C1orf56: variants seen among roughly 807,000 people sequenced by gnomAD.
C1orf56 encodes the protein chromosome 1 open reading frame 56.
Under a neutral mutation model 20.7 loss-of-function variants are expected in C1orf56, and 14 were observed. The observed-to-expected ratio is 0.68, with a 90% CI of 0.45 to 1.06. The LOEUF (loss-of-function observed/expected upper bound fraction) is 1.06, where lower values mean the gene tolerates loss of function less well. C1orf56 is among the 50% of genes least tolerant of loss of function. The pLI is 0.00. For missense variants in C1orf56, 424 were observed against 451.4 expected, an observed-to-expected ratio of 0.94 and a Z score of 0.55; for synonymous variants, 187 against 194.7, an observed-to-expected ratio of 0.96 and a Z score of 0.33.
Position 151,048,717 on chromosome 1 carries a change from C to T in C1orf56, c.870C>T (p.Pro290=), listed in dbSNP as rs373682714. The T allele has an allele frequency of 2.5e-6, 4 of 1,612,612 alleles. No homozygotes were observed. The highest frequency in any genetic ancestry group is 3.4e-6 in the Non-Finnish European group (4 of 1,179,184). The part of the protein sequence containing the change: ...TSTRTTTTPF[P]TIHLRSSPSL... ...CCAGGACCACCACTACCCCCTTCCC[C>T]ACCATCCACCTCAGAAGCAGTCCCA... The change falls in exon 1 of 2, where the codon CCC becomes CCT. Residue 290 remains proline, a synonymous_variant. Coordinates refer to ENST00000368926, the MANE Select transcript of C1orf56 (RefSeq NM_017860.5). This position sits in a 1 kb window ranked among gnomAD's most constrained non-coding sequence, Gnocchi z 4.8.
chr1:151,050,321 T>C, intron 1 of C1orf56, 117 bp from the exon 2 acceptor site: 1 of 895,800 alleles, frequency 1.1e-6, no homozygotes, highest in Non-Finnish European at 1.7e-6. Context: ...AAGTAAGGGG[T>C]GGGCAGTAGG....
In C1orf56 at chr1:151,050,350, T is replaced by C; in HGVS notation, c.1006-88T>C. ...CAGTAGGGTTGAGGGAATATGGGTT[T>C]GTGGGAGGGGGAGATGAAGCAAGGA... On this transcript the variant is annotated intron_variant, in intron 1 of 1. Coordinates refer to ENST00000368926, the MANE Select transcript of C1orf56 (RefSeq NM_017860.5). 4 of 1,320,800 alleles carry C rather than the reference T, an allele frequency of 3.0e-6. No individual in the cohort carries two copies. In the South Asian group the frequency reaches 5.2e-5, roughly 17 times the overall value. The allele number at this position is 1,320,800 out of a possible 1,614,324, so 81.8% of individuals were successfully genotyped here.
rs587657354 is a variant in C1orf56, at chr1:151,050,356, A to C, written c.1006-82A>C. On this transcript the variant is annotated intron_variant, in intron 1 of 1. Transcript: ENST00000368926. The stretch of plus-strand genomic sequence containing the variant: ...GGTTGAGGGAATATGGGTTTGTGGG[A>C]GGGGGAGATGAAGCAAGGAAGGGAA... 576 of 1,368,126 alleles carry C rather than the reference A, an allele frequency of 4.2e-4. 1 individual carries two copies. Among genetic ancestry groups the C allele is most frequent in the Non-Finnish European group, 4.7e-4 (457 of 977,594 alleles). 84.7% of individuals were successfully genotyped at this position (1,368,126 alleles called of 1,614,324 possible). A position where few individuals can be genotyped will look rare whatever the true frequency, so the allele number is the denominator to read the frequency against.
chr1:151,048,558 G>C lies in C1orf56; in HGVS notation c.711G>C (p.Ala237=). ...HGLSGRLRVG[A]LSQLRTEHKP... is the part of the protein sequence containing the mutation. ...TTTCCGGGCGCCTTCGAGTTGGGGC[G>C]CTGAGCCAGCTCCGCACGGAGCACA... is the stretch of plus-strand genomic sequence containing the variant. Residue 237 remains alanine, a synonymous_variant, in exon 1 of 2, where the codon GCG becomes GCC. Coordinates refer to ENST00000368926, the MANE Select transcript of C1orf56 (RefSeq NM_017860.5). This position sits in a 1 kb window ranked among gnomAD's most constrained non-coding sequence, Gnocchi z 4.8. The C allele has an allele frequency of 6.2e-7, 1 of 1,614,008 alleles. No homozygotes were observed.
At chr1:151,050,359 G>A in intron 1 of C1orf56, 79 bp from the exon 2 acceptor site, 1 of 1,397,908 alleles carries the variant, frequency 7.2e-7, no homozygotes, top group South Asian at 1.3e-5. Context: ...TTGTGGGAGG[G>A]GGAGATGAAG....
chr1:151,049,495 ATTC>A (rs1336518907), intron 1 of C1orf56: 2 of 148,186 alleles, frequency 1.3e-5, no homozygotes, highest in African/African-American at 5.0e-5. Context: ...GGCTCAAGCA[ATTC>A]TCCTGCCTCA....
In C1orf56 at chr1:151,050,417, C is replaced by CT. The variant is rs749764224; in HGVS notation, c.1006-20dup. ...ATGTGGTTGTAATTTCCCTTTTTCT[C>CT]TATTTTTTTTTCTTACGCAGATAGA... On this transcript the variant is annotated intron_variant, in intron 1 of 1. Transcript: ENST00000368926. 30 of 1,600,484 alleles carry CT rather than the reference C, an allele frequency of 1.9e-5. No homozygotes were observed. In the South Asian group the frequency reaches 2.0e-4, roughly 11 times the overall value.
chr1:151,048,503 G>A lies in C1orf56; in HGVS notation c.656G>A (p.Ser219Asn). The change falls in exon 1 of 2, where the codon AGC becomes AAC. Residue 219 changes from serine (S) to asparagine (N), a missense_variant. By Grantham distance (46) the Ser-to-Asn change is conservative. Coordinates refer to ENST00000368926, the MANE Select transcript of C1orf56 (RefSeq NM_017860.5). The surrounding 1 kb of genome is among the most constrained non-coding windows in gnomAD (Gnocchi z 4.8). Reference sequence around the variant, plus strand: ...TGCCACTGCAAGTCGGGCACCATGAGCCGGAGCCGGTCTGGGAAGCTGCAC... The same window carrying A: ...TGCCACTGCAAGTCGGGCACCATGAACCGGAGCCGGTCTGGGAAGCTGCAC... ...WHCHCKSGTM[S>N]RSRSGKLHGL... The A allele has an allele frequency of 6.2e-7, 1 of 1,610,890 alleles. No homozygotes were observed. Among genetic ancestry groups the A allele is most frequent in the Non-Finnish European group, 8.5e-7 (1 of 1,179,980 alleles).
At position 151,048,029 on chromosome 1, in the gene C1orf56, G is replaced by T; in HGVS notation, c.182G>T (p.Arg61Met). ...TARTGLPRKT[R>M]IILEDENDAM... is the part of the protein sequence containing the mutation. ...CGGACTGGTCTTCCCCGGAAGACAA[G>T]GATAATCCTAGAGGACGAGAATGAT... The change falls in exon 1 of 2, where the codon AGG becomes ATG. Residue 61 changes from arginine to methionine, a missense_variant. By Grantham distance (91) the Arg-to-Met change is moderately conservative. Transcript: ENST00000368926. The surrounding 1 kb of genome is among the most constrained non-coding windows in gnomAD (Gnocchi z 4.8). 6.2e-7 allele frequency: 1 copy of T among 1,614,112 alleles called. No homozygotes were observed.
At position 151,048,005 on chromosome 1, in the gene C1orf56, G is replaced by A. The variant is rs910713391; in HGVS notation, c.158G>A (p.Arg53Gln). Residue 53 changes from arginine to glutamine, a missense_variant, in exon 1 of 2, where the codon CGG (arginine) becomes CAG (glutamine). Coordinates refer to ENST00000368926, the MANE Select transcript of C1orf56 (RefSeq NM_017860.5). This position sits in a 1 kb window ranked among gnomAD's most constrained non-coding sequence, Gnocchi z 4.8. ...PMTRSYRSTA[R>Q]TGLPRKTRII... Reference sequence around the variant, plus strand: ...ACCCGCAGCTACCGGAGCACCGCCCGGACTGGTCTTCCCCGGAAGACAAGG... The same window carrying A: ...ACCCGCAGCTACCGGAGCACCGCCCAGACTGGTCTTCCCCGGAAGACAAGG... 1.2e-6 allele frequency: 2 copies of A among 1,614,034 alleles called. No homozygotes were observed. Among genetic ancestry groups the A allele is most frequent in the Non-Finnish European group, 1.7e-6 (2 of 1,180,004 alleles).
rs1676167216 is a variant in C1orf56 at position 151,051,077 on chromosome 1, A to G, written c.*619A>G. ...CTCTCAAACCCATTCCCATCACTTTATTAGTGATGGTAGCATACATATTAG... is the reference window on the plus strand; with the variant it reads ...CTCTCAAACCCATTCCCATCACTTTGTTAGTGATGGTAGCATACATATTAG... On this transcript the variant is annotated 3_prime_UTR_variant, in exon 2 of 2. Coordinates refer to ENST00000368926, the MANE Select transcript of C1orf56 (RefSeq NM_017860.5). 6.6e-6 allele frequency: 1 copy of G among 152,204 alleles called. No homozygotes were observed. The highest frequency in any genetic ancestry group is 6.5e-5 in the Admixed American group (1 of 15,280). The allele number at this position is 152,204 out of a possible 1,614,324, so 9.4% of individuals were successfully genotyped here.
At position 151,050,471 on chromosome 1, in the gene C1orf56, C is replaced by A; in HGVS notation, c.*13C>A. Reference sequence around the variant, plus strand: ...AAACCAGAGGTAATGGCCACTTCATCCACATGAGGAGATGTCAGTATCTCA... The same window carrying A: ...AAACCAGAGGTAATGGCCACTTCATACACATGAGGAGATGTCAGTATCTCA... On this transcript the variant is annotated 3_prime_UTR_variant, in exon 2 of 2. Coordinates refer to ENST00000368926, the MANE Select transcript of C1orf56 (RefSeq NM_017860.5). 5.0e-6 allele frequency: 8 copies of A among 1,608,082 alleles called. No homozygotes were observed. Among genetic ancestry groups the A allele is most frequent in the Non-Finnish European group, 5.1e-6 (6 of 1,177,512 alleles).
chr1:151,050,571 G>GT lies in C1orf56; in HGVS notation c.*116dup, dbSNP rs993344445. ...GAAAAACAAAACTGGAAAACACATTGTTTGGTCTTGTGTTTCTTTACAGAG... is the reference window on the plus strand; with the variant it reads ...GAAAAACAAAACTGGAAAACACATTGTTTTGGTCTTGTGTTTCTTTACAGAG... On this transcript the variant is annotated 3_prime_UTR_variant, in exon 2 of 2. Coordinates refer to ENST00000368926, the MANE Select transcript of C1orf56 (RefSeq NM_017860.5). 1.9e-6 allele frequency: 2 copies of GT among 1,073,272 alleles called. No individual in the cohort carries two copies. The highest frequency in any genetic ancestry group is 3.2e-5 in the African/African-American group (2 of 62,280). 66.5% of individuals were successfully genotyped at this position (1,073,272 alleles called of 1,614,324 possible).
At position 151,047,925 on chromosome 1, in the gene C1orf56, G is replaced by A. The variant is rs116195801; in HGVS notation, c.78G>A (p.Leu26=). The change falls in exon 1 of 2, where the codon CTG becomes CTA. Residue 26 remains leucine (L), a synonymous_variant. Transcript: ENST00000368926. ...LGPRAAGAQG[L]TQTPTEMQRV... ...CCCGGGCGGCGGGGGCCCAAGGCCT[G>A]ACCCAGACTCCGACCGAAATGCAGC... 3.4e-3 allele frequency: 5,486 copies of A among 1,612,718 alleles called. 166 individuals carry two copies. The African/African-American group carries it at 0.066, about 20-fold the overall frequency.
rs1676174825 is a variant in C1orf56 at position 151,051,360 on chromosome 1, C to A, written c.*902C>A. 1 of 98,644 alleles carries A rather than the reference C, an allele frequency of 1.0e-5. No homozygotes were observed. The highest frequency in any genetic ancestry group is 2.0e-5 in the Non-Finnish European group (1 of 50,032). The allele number at this position is 98,644 out of a possible 1,614,324, so 6.1% of individuals were successfully genotyped here. On this transcript the variant is annotated 3_prime_UTR_variant, in exon 2 of 2. Transcript: ENST00000368926. ...TTGGGAATGTATGACCAATCTTAGA[C>A]CCTGAAAAATGGCAGAAAATACATG...
rs748627548 is a variant in C1orf56 at position 151,048,106 on chromosome 1, G to A, written c.259G>A (p.Ala87Thr). Residue 87 changes from alanine (A) to threonine (T), a missense_variant, in exon 1 of 2, where the codon GCC (alanine) becomes ACC (threonine). Transcript: ENST00000368926. The surrounding 1 kb of genome is among the most constrained non-coding windows in gnomAD (Gnocchi z 4.8). ...TGGACCAGCGGCTGCCGAGCTCTTGGCCGCCACGGTGTCCACCGGCTTTAG... is the reference window on the plus strand; with the variant it reads ...TGGACCAGCGGCTGCCGAGCTCTTGACCGCCACGGTGTCCACCGGCTTTAG... ...LAGPAAAELL[A>T]ATVSTGFSRS... 2.5e-6 allele frequency: 4 copies of A among 1,613,470 alleles called. No individual in the cohort carries two copies. The highest frequency in any genetic ancestry group is 2.2e-5 in the South Asian group (2 of 91,080).
chr1:151,049,184 G>T (rs1676124714), intron 1 of C1orf56, among the ~76,000 whole-genome samples: 1 of 151,832 alleles, frequency 6.6e-6, no homozygotes, highest in South Asian at 2.1e-4. Context: ...CGTGATCCTG[G>T]CTCACTGCAA....
chr1:151,048,515 C>T lies in C1orf56; in HGVS notation c.668C>T (p.Ser223Phe), dbSNP rs1676109045. 8 of 1,611,990 alleles carry T rather than the reference C, an allele frequency of 5.0e-6. No individual in the cohort carries two copies. Among genetic ancestry groups the T allele is most frequent in the Non-Finnish European group, 5.9e-6 (7 of 1,180,006 alleles). The part of the protein sequence containing the change: ...CKSGTMSRSR[S>F]GKLHGLSGRL... ...TCGGGCACCATGAGCCGGAGCCGGT[C>T]TGGGAAGCTGCACGGCCTTTCCGGG... The change falls in exon 1 of 2, where the codon TCT (serine) becomes TTT (phenylalanine). Residue 223 changes from serine (S) to phenylalanine (F), a missense_variant. Physicochemically the swap from Ser to Phe is radical, Grantham distance 155. Transcript: ENST00000368926. This position sits in a 1 kb window ranked among gnomAD's most constrained non-coding sequence, Gnocchi z 4.8.
chr1:151,049,147 CTT>C (rs1676123803), intron 1 of C1orf56, among the ~76,000 whole-genome samples: 1 of 151,850 alleles, frequency 6.6e-6, no homozygotes, highest in Non-Finnish European at 1.5e-5. Context: ...GAGTTTCACT[CTT>C]ATTGCCGAGG....
Sources: gnomAD v4.1 joint callset for allele counts (sites outside exome capture counted in the v4.1 genomes callset) on GRCh38, gnomAD v4.1.1 for gene constraint, Gnocchi (gnomAD v3.1) non-coding constraint, MANE v1.5 for transcripts, NCBI Gene and HGNC (gene_info 2026-07-23, HGNC 2026-07-21) for gene names.